The following FER1L6 variants were observed in gnomAD, a reference collection of about 807,000 sequenced individuals.
FER1L6 encodes fer-1 like family member 6.
FER1L6 carries 177 observed loss-of-function variants against 219.2 expected under a neutral mutation model. The observed-to-expected ratio is 0.81, with a 90% confidence interval of 0.71 to 0.91. The LOEUF is 0.91. FER1L6 is among the 40% of genes least tolerant of loss of function. The probability of loss-of-function intolerance (pLI) is 0.00; values close to 1 mark genes in which losing one functional copy is unlikely to be tolerated. For synonymous variants in FER1L6, 768 were observed against 824.3 expected (o/e 0.93, Z 1.17); for missense variants, 2,153 against 2,259.9 (o/e 0.95, Z 0.96).
At chr8:124,032,498 G>T (rs374670160) in intron 18 of FER1L6, among the ~76,000 whole-genome samples, 4 of 152,032 alleles carry the variant, frequency 2.6e-5, no homozygotes, top group African/African-American at 9.7e-5. Context: ...GAGGCCAAAG[G>T]GGGGCAGATT....
At chr8:124,033,480 A>G (rs891036756) in intron 18 of FER1L6, among the ~76,000 whole-genome samples, 2 of 152,062 alleles carry the variant, frequency 1.3e-5, no homozygotes, top group Non-Finnish European at 1.5e-5. Flanking sequence ...ACCAACAACA[A>G]AATAAACTTA....
chr8:123,878,269 G>A (rs1264881087), intron 1 of FER1L6, among the ~76,000 whole-genome samples: 1 of 152,188 alleles, frequency 6.6e-6, no homozygotes, highest in Non-Finnish European at 1.5e-5. Context: ...ACTCATTGGA[G>A]ACATTTTTGC....
At chr8:124,059,925 T>C (rs928933064) in intron 22 of FER1L6, among the ~76,000 whole-genome samples, 3 of 152,202 alleles carry the variant, frequency 2.0e-5, no homozygotes, top group Admixed American at 6.5e-5. Flanking sequence ...CTCCCCTCTA[T>C]ACTGTGAGCT....
intron 1 of FER1L6, among the ~76,000 whole-genome samples, chr8:123,924,548 TAAATA>T: frequency 7.8e-6 from 1 of 127,706 alleles, no homozygotes; most frequent in Non-Finnish European, 1.6e-5. Flanking sequence ...AAAAAAAAAA[TAAATA>T]AATAAAAGAA....
At chr8:123,859,968 T>C (rs1339571519) in intron 1 of FER1L6, among the ~76,000 whole-genome samples, 1 of 122,442 alleles carries the variant, frequency 8.2e-6, no homozygotes, top group African/African-American at 2.9e-5. Context: ...TTATTATTAT[T>C]ACTATTATTA....
chr8:124,000,830 A>G (rs947139736), intron 12 of FER1L6, among the ~76,000 whole-genome samples: 1 of 152,228 alleles, frequency 6.6e-6, no homozygotes, highest in Non-Finnish European at 1.5e-5. Flanking sequence ...TTTAAGCCGT[A>G]CAGCTGGAAG....
chr8:123,899,849 G>A (rs1812826539), intron 1 of FER1L6, among the ~76,000 whole-genome samples: 1 of 152,136 alleles, frequency 6.6e-6, no homozygotes, highest in South Asian at 2.1e-4. Context: ...TGTTCCATTG[G>A]TCTATGTGCC....
At chr8:124,018,639 A>C (rs1818309432) in intron 16 of FER1L6, among the ~76,000 whole-genome samples, 1 of 152,174 alleles carries the variant, frequency 6.6e-6, no homozygotes, top group Non-Finnish European at 1.5e-5. Context: ...ATTGTCTGAC[A>C]GCCCTTGGCC....
Position 124,061,955 on chromosome 8 carries a change from A to G in FER1L6, c.3251A>G (p.Tyr1084Cys). ...CTTGTGGGCACCTACACCATCAACT[A>G]CTTGAAGCAGTTTTTGTGTAAACTC... The part of the protein sequence containing the change: ...STLVGTYTIN[Y>C]LKQFLCKLRE... The change falls in exon 25 of 41, where the codon TAC becomes TGC. Residue 1084 changes from tyrosine to cysteine, a missense_variant. Tyr to Cys is a radical substitution (Grantham distance 194). Coordinates refer to ENST00000522917, the MANE Select transcript of FER1L6 (RefSeq NM_001039112.2). 6.2e-7 allele frequency: 1 copy of G among 1,614,098 alleles called. No individual in the cohort carries two copies.
In FER1L6 at chr8:123,912,224, C is replaced by T. The variant is rs141329798; in HGVS notation, c.-7-43768C>T. ...CTGCAAGTTAGCTAATCTAATAACC[C>T]ATTCAAAAGATGAAGAAACTGAGAC... is the stretch of plus-strand genomic sequence containing the variant. On this transcript the variant is annotated intron_variant, in intron 1 of 40. Transcript: ENST00000522917. 2.9e-3 allele frequency among the ~76,000 whole-genome samples: 438 copies of T among 152,060 alleles called. 3 individuals carry two copies. Among genetic ancestry groups the T allele is most frequent in the African/African-American group, 0.01 (420 of 41,476 alleles).
intron 33 of FER1L6, 60 bp downstream of exon 33, chr8:124,082,518 T>C: frequency 1.3e-6 from 2 of 1,490,208 alleles, no homozygotes; most frequent in Non-Finnish European, 1.8e-6. Context: ...CCTTTAGGGC[T>C]CCAGACTCTG....
At chr8:124,073,063 T>TC (rs11412575) in intron 31 of FER1L6, among the ~76,000 whole-genome samples, 131,479 of 152,132 alleles carry the variant, frequency 0.86, 57,073 homozygotes, top group African/African-American at 0.93. Context: ...ATACCTTTTT[T>TC]CCCCTGCAGA....
intron 1 of FER1L6, among the ~76,000 whole-genome samples, chr8:123,885,846 C>T (rs912894483): frequency 6.6e-6 from 1 of 152,152 alleles, no homozygotes; most frequent in Non-Finnish European, 1.5e-5. Flanking sequence ...AGGATGTGGC[C>T]ATGGAGCCAT....
intron 12 of FER1L6, 107 bp from the exon 13 acceptor site, chr8:124,003,060 G>A (rs1168118896): frequency 8.0e-6 from 7 of 875,774 alleles, no homozygotes; most frequent in African/African-American, 3.3e-5. Flanking sequence ...CATAATGGGA[G>A]CTTACCTTAT....
At chr8:123,874,925 G>A (rs1264547733) in intron 1 of FER1L6, among the ~76,000 whole-genome samples, 1 of 152,080 alleles carries the variant, frequency 6.6e-6, no homozygotes, top group Non-Finnish European at 1.5e-5. Context: ...GGCCTAGTGT[G>A]GTGGCTTACA....
chr8:124,071,152 T>G (rs1223001465), intron 30 of FER1L6, among the ~76,000 whole-genome samples: 1 of 152,176 alleles, frequency 6.6e-6, no homozygotes, highest in Non-Finnish European at 1.5e-5. Context: ...TAAGCCTCAG[T>G]TGCTGTCTGG....
intron 1 of FER1L6, among the ~76,000 whole-genome samples, chr8:123,904,234 G>A: frequency 7.1e-6 from 1 of 140,884 alleles, no homozygotes. Flanking sequence ...TTGTGTGTGT[G>A]TGTGTGTGTG....
intron 10 of FER1L6, among the ~76,000 whole-genome samples, chr8:123,980,017 T>C (rs1816250657): frequency 6.6e-6 from 1 of 152,154 alleles, no homozygotes; most frequent in African/African-American, 2.4e-5. Flanking sequence ...CTAACTCCCC[T>C]CTATGTTACA....
intron 33 of FER1L6, among the ~76,000 whole-genome samples, chr8:124,087,307 A>G (rs991992953): frequency 1.6e-4 from 25 of 151,760 alleles, no homozygotes; most frequent in African/African-American, 5.1e-4. Flanking sequence ...TGTATTTTCA[A>G]ATAGTCTATC....
Sources: allele counts gnomAD v4.1 joint callset (sites outside exome capture counted in the v4.1 genomes callset), GRCh38; gene constraint gnomAD v4.1.1; transcripts MANE v1.5; gene names NCBI Gene and HGNC (gene_info 2026-07-23, HGNC 2026-07-21).